Variants in GRIA3 observed in about 807,000 individuals in gnomAD.
GRIA3 encodes the protein glutamate receptor 3.
Under a neutral mutation model 63.0 loss-of-function variants are expected in GRIA3, and 3 were observed. The observed-to-expected ratio is 0.05, with a 90% CI of 0.02 to 0.12. The LOEUF is 0.12. Ranked by LOEUF, GRIA3 falls within the 10% of genes least tolerant of loss-of-function variation. The pLI, the probability that GRIA3 is intolerant of heterozygous loss-of-function variation, is 1.00. For synonymous variants in GRIA3, 274 were observed against 257.9 expected, an observed-to-expected ratio of 1.06 and a Z score of -0.60; for missense variants, 347 against 700.9, an observed-to-expected ratio of 0.50 and a Z score of 5.70.
chrX:123,419,002 T>C (rs1482289247), intron 11 of GRIA3, among the ~76,000 whole-genome samples: 3 of 112,600 alleles, frequency 2.7e-5, no homozygotes, highest in Admixed American at 9.4e-5. Flanking sequence ...CCCAAATGTC[T>C]ATCAACTCGT....
At chrX:123,210,000 TGTTG>T (rs775192224) in intron 2 of GRIA3, among the ~76,000 whole-genome samples, 34 of 110,039 alleles carry the variant, frequency 3.1e-4, no homozygotes, top group African/African-American at 1.1e-3. Flanking sequence ...TTTGTTTGTT[TGTTG>T]GTTGGTTTGT....
chrX:123,190,735 C>T (rs148579710), intron 2 of GRIA3, among the ~76,000 whole-genome samples: 1,467 of 112,231 alleles, frequency 0.013, 11 homozygotes, highest in Middle Eastern at 0.023. Flanking sequence ...ACTAGTTTTC[C>T]ACATTTTCCT....
intron 3 of GRIA3, among the ~76,000 whole-genome samples, chrX:123,263,520 T>C (rs1324573727): frequency 8.9e-6 from 1 of 112,181 alleles, no homozygotes; most frequent in East Asian, 2.8e-4. Flanking sequence ...GCTGACAGGT[T>C]ATGTTCCTGG....
intron 2 of GRIA3, among the ~76,000 whole-genome samples, chrX:123,244,960 A>G (rs1028278616): frequency 8.9e-6 from 1 of 112,427 alleles, no homozygotes; most frequent in Non-Finnish European, 1.9e-5. Context: ...AGAAAGAAGG[A>G]ACAGTAATTT....
chrX:123,305,749 G>A (rs1229414913), intron 3 of GRIA3, among the ~76,000 whole-genome samples: 1 of 112,293 alleles, frequency 8.9e-6, no homozygotes, highest in Non-Finnish European at 1.9e-5. Context: ...CCCACAGCAT[G>A]CAGACACATT....
intron 12 of GRIA3, among the ~76,000 whole-genome samples, chrX:123,459,307 T>C (rs1291388352): frequency 8.9e-6 from 1 of 111,909 alleles, no homozygotes; most frequent in Non-Finnish European, 1.9e-5. Flanking sequence ...AGAGCTACTA[T>C]ATGCACAATG....
At chrX:123,200,671 G>A (rs918774129) in intron 2 of GRIA3, among the ~76,000 whole-genome samples, 5 of 107,937 alleles carry the variant, frequency 4.6e-5, no homozygotes, top group African/African-American at 1.7e-4. Context: ...TATGCATTGA[G>A]GTGGATTCCC....
intron 9 of GRIA3, 131 bp from the exon 10 acceptor site, chrX:123,404,577 C>A: frequency 4.7e-6 from 2 of 427,943 alleles, no homozygotes; most frequent in Non-Finnish European, 8.4e-6. Flanking sequence ...CTTCTGTTTA[C>A]TAAGTAACAA....
At chrX:123,306,518 G>A (rs2044756046) in intron 3 of GRIA3, among the ~76,000 whole-genome samples, 1 of 111,856 alleles carries the variant, frequency 8.9e-6, no homozygotes, top group Admixed American at 9.5e-5. Flanking sequence ...AAGAAGAGAG[G>A]GGTGTTGCAC....
chrX:123,191,408 T>C (rs1927431162), intron 2 of GRIA3, among the ~76,000 whole-genome samples: 1 of 111,743 alleles, frequency 8.9e-6, no homozygotes, highest in South Asian at 3.8e-4. Context: ...GCTCAGAAAC[T>C]GTCTGGGCTC....
In GRIA3 at chrX:123,402,760, A is replaced by G. The variant is rs189831564; in HGVS notation, c.1081-234A>G. Among the ~76,000 whole-genome samples the G allele has an allele frequency of 6.8e-3, 755 of 111,109 alleles. 4 individuals are homozygous for G. The highest frequency in any genetic ancestry group is 0.01 in the Non-Finnish European group (547 of 52,925). ...GTGGCGGTAGAGCCCTCATTATATT[A>G]TATAAGTAACAGCATCTTACACCTA... On this transcript the variant is annotated intron_variant, in intron 7 of 15. Coordinates refer to ENST00000620443, the MANE Select transcript of GRIA3 (RefSeq NM_007325.5).
Position 123,464,507 on chromosome X carries a change from T to C in GRIA3, c.2077-358T>C, listed in dbSNP as rs188231066. Among the ~76,000 whole-genome samples, 376 of 111,709 alleles carry C rather than the reference T, an allele frequency of 3.4e-3. 2 individuals are homozygous for C. Among genetic ancestry groups the C allele is most frequent in the African/African-American group, 0.012 (359 of 30,739 alleles). On this transcript the variant is annotated intron_variant, in intron 12 of 15. Coordinates refer to ENST00000620443, the MANE Select transcript of GRIA3 (RefSeq NM_007325.5). ...CGATTAGATAAACATAGCAGGATAT[T>C]GTAGAGGAGATTTTTTCATTGAGAG...
At chrX:123,373,461 C>T (rs2045262557) in intron 5 of GRIA3, among the ~76,000 whole-genome samples, 1 of 111,811 alleles carries the variant, frequency 8.9e-6, no homozygotes, top group Admixed American at 9.5e-5. Context: ...AGCGGTTGAA[C>T]TAGTTTACAC....
chrX:123,186,041 ATCTT>A (rs754942735), intron 2 of GRIA3, 51 bp downstream of exon 2: 14 of 1,056,226 alleles, frequency 1.3e-5, no homozygotes, highest in Middle Eastern at 2.5e-4. Flanking sequence ...CCTCATTTGC[ATCTT>A]TCTTGTGGCA....
At chrX:123,347,594 T>C (rs985058277) in intron 4 of GRIA3, among the ~76,000 whole-genome samples, 1 of 111,313 alleles carries the variant, frequency 9.0e-6, no homozygotes, top group Admixed American at 9.6e-5. Context: ...ACCCTCTACA[T>C]CCCCATATGT....
chrX:123,289,774 C>A (rs1045853132), intron 3 of GRIA3, among the ~76,000 whole-genome samples: 1 of 110,419 alleles, frequency 9.1e-6, no homozygotes, highest in Non-Finnish European at 1.9e-5. Context: ...CCCTCCACCC[C>A]CCCAACCAAG....
chrX:123,466,910 G>C (rs954125009), intron 13 of GRIA3, among the ~76,000 whole-genome samples: 1 of 112,680 alleles, frequency 8.9e-6, no homozygotes, highest in Non-Finnish European at 1.9e-5. Flanking sequence ...GGATCCTGAT[G>C]GAAAAGTTAG....
chrX:123,333,244 A>C (rs1227320239), intron 4 of GRIA3, among the ~76,000 whole-genome samples: 1 of 111,955 alleles, frequency 8.9e-6, no homozygotes, highest in Non-Finnish European at 1.9e-5. Context: ...GAGTATACAG[A>C]AAGGGATCTC....
intron 2 of GRIA3, among the ~76,000 whole-genome samples, chrX:123,211,781 C>T (rs1159489205): frequency 9.0e-6 from 1 of 111,560 alleles, no homozygotes; most frequent in Admixed American, 9.5e-5. Context: ...TTAATTTATA[C>T]AAAATATTAC....
Sources: allele counts gnomAD v4.1 joint callset (sites outside exome capture counted in the v4.1 genomes callset), GRCh38; gene constraint gnomAD v4.1.1; transcripts MANE v1.5; gene names NCBI Gene and HGNC (gene_info 2026-07-23, HGNC 2026-07-21).